Variants in CALD1 observed in about 807,000 individuals in gnomAD.
CALD1 encodes the protein caldesmon 1, also known as caldesmon.
CALD1 carries 33 observed loss-of-function variants against 99.9 expected under a neutral mutation model. That is an observed-to-expected ratio of 0.33 (90% confidence interval 0.25 to 0.44). CALD1 has a LOEUF of 0.44. CALD1 is among the 20% of genes least tolerant of loss of function. The pLI is 1.00. For missense variants in CALD1, 861 were observed against 962.1 expected, an observed-to-expected ratio of 0.89 and a Z score of 1.39; for synonymous variants, 310 against 325.0, an observed-to-expected ratio of 0.95 and a Z score of 0.50.
At chr7:134,856,570 G>A (rs578141752) in intron 2 of CALD1, among the ~76,000 whole-genome samples, 45 of 152,304 alleles carry the variant, frequency 3.0e-4, no homozygotes, top group African/African-American at 9.1e-4. Flanking sequence ...TCCAAAGGCT[G>A]CGGAAATTTG....
At chr7:134,953,206 C>T (rs188702262) in intron 9 of CALD1, among the ~76,000 whole-genome samples, 81 of 152,120 alleles carry the variant, frequency 5.3e-4, no homozygotes, top group Non-Finnish European at 7.8e-4. Flanking sequence ...AGGCCAGGTG[C>T]GGTGGCTCAC....
chr7:134,928,920 G>C lies in CALD1; in HGVS notation c.218+20G>C, dbSNP rs773617060. ...GAACAGGTACTGTCCTCTTTGGGAC[G>C]GGGAGTTTCTAACTTGCGTCTTAGC... On this transcript the variant is annotated intron_variant, in intron 4 of 14. Transcript: ENST00000361675. 1 of 1,585,874 alleles carries C rather than the reference G, an allele frequency of 6.3e-7. No individual in the cohort carries two copies. Among genetic ancestry groups the C allele is most frequent in the South Asian group, 1.1e-5 (1 of 88,238 alleles).
chr7:134,887,618 ATG>A (rs1030923875), intron 3 of CALD1, among the ~76,000 whole-genome samples: 2 of 145,502 alleles, frequency 1.4e-5, no homozygotes, highest in African/African-American at 5.2e-5. Flanking sequence ...ATGCGTGTAT[ATG>A]TGTGTGCCTG....
intron 6 of CALD1, among the ~76,000 whole-genome samples, chr7:134,937,308 CCT>C (rs1449207406): frequency 1.3e-5 from 2 of 152,140 alleles, no homozygotes; most frequent in Admixed American, 1.3e-4. Flanking sequence ...TCAACAGCGT[CCT>C]CTGTGTCAAT....
Position 134,968,693 on chromosome 7 carries a change from C to A in CALD1, c.*348C>A. Reference sequence around the variant, plus strand: ...TTTAAAATTGCCTGCGGAATGTGTGCAGTATCTAGAAAAATGAACCGTAGT... The same window carrying A: ...TTTAAAATTGCCTGCGGAATGTGTGAAGTATCTAGAAAAATGAACCGTAGT... On this transcript the variant is annotated 3_prime_UTR_variant, in exon 15 of 15. Coordinates refer to ENST00000361675, the MANE Select transcript of CALD1 (RefSeq NM_033138.4). The A allele has an allele frequency of 2.2e-6, 1 of 457,588 alleles. No homozygotes were observed. The allele number at this position is 457,588 out of a possible 1,614,324, so 28.3% of individuals were successfully genotyped here.
At chr7:134,948,434 C>T (rs976393086) in intron 8 of CALD1, among the ~76,000 whole-genome samples, 8 of 152,014 alleles carry the variant, frequency 5.3e-5, no homozygotes, top group African/African-American at 1.9e-4. Flanking sequence ...TTTGGCTCAG[C>T]ATATGAAATA....
intron 1 of CALD1, among the ~76,000 whole-genome samples, chr7:134,761,684 G>C (rs1361637293): frequency 6.6e-6 from 1 of 152,148 alleles, no homozygotes; most frequent in Non-Finnish European, 1.5e-5. Context: ...TTCTGTGTTA[G>C]AACTCTTCCT....
chr7:134,898,050 G>A (rs963051138), intron 3 of CALD1, among the ~76,000 whole-genome samples: 38 of 151,978 alleles, frequency 2.5e-4, no homozygotes, highest in African/African-American at 8.2e-4. Flanking sequence ...TCATCCTCCC[G>A]AGAAGCTGGG....
chr7:134,947,405 G>T, intron 7 of CALD1, 103 bp from the exon 8 acceptor site: 1 of 1,190,224 alleles, frequency 8.4e-7, no homozygotes, highest in Non-Finnish European at 1.2e-6. Context: ...GAGGCAGTGG[G>T]TATTTAGTCG....
chr7:134,857,623 T>C (rs980716392), intron 2 of CALD1, among the ~76,000 whole-genome samples: 2 of 152,108 alleles, frequency 1.3e-5, no homozygotes, highest in African/African-American at 4.8e-5. Context: ...CTAAGTACTT[T>C]TCAACTTATT....
At chr7:134,720,371 A>C in the CALD1 span, among the ~76,000 whole-genome samples, 1 of 152,090 alleles carries the variant, frequency 6.6e-6, no homozygotes, top group Admixed American at 6.6e-5. Context: ...CTTCCTTCCT[A>C]ATAAGATCGC....
At chr7:134,826,458 G>A (rs997268397) in intron 1 of CALD1, among the ~76,000 whole-genome samples, 9 of 152,154 alleles carry the variant, frequency 5.9e-5, no homozygotes, top group South Asian at 4.2e-4. Flanking sequence ...AACACACACC[G>A]GAGCTTTTCT....
At chr7:134,903,718 A>G (rs1803163468) in intron 3 of CALD1, among the ~76,000 whole-genome samples, 1 of 152,104 alleles carries the variant, frequency 6.6e-6, no homozygotes, top group South Asian at 2.1e-4. Context: ...TGATAAGGAC[A>G]TCAGTCATAT....
chr7:134,768,704 C>G (rs796413291), intron 1 of CALD1, among the ~76,000 whole-genome samples: 6 of 152,190 alleles, frequency 3.9e-5, no homozygotes, highest in African/African-American at 1.4e-4. Context: ...CAACAAAAAG[C>G]TTAAGAATAA....
intron 1 of CALD1, among the ~76,000 whole-genome samples, chr7:134,781,552 G>A (rs745311906): frequency 6.6e-6 from 1 of 152,148 alleles, no homozygotes; most frequent in African/African-American, 2.4e-5. Context: ...CTTCCTTCCT[G>A]TTGAATGTTA....
At chr7:134,844,428 ACTT>A (rs887684073) in intron 2 of CALD1, 1 of 152,110 alleles carries the variant, frequency 6.6e-6, no homozygotes, top group African/African-American at 2.4e-5. Flanking sequence ...TGGGAGGAAA[ACTT>A]CTACCAGAAC....
intron 1 of CALD1, among the ~76,000 whole-genome samples, chr7:134,829,695 G>C (rs1455555614): frequency 1.3e-5 from 2 of 152,174 alleles, no homozygotes; most frequent in Admixed American, 6.5e-5. Context: ...GCACTATGAA[G>C]CTACTGAAAT....
chr7:134,964,866 C>T (rs6974970), intron 13 of CALD1, among the ~76,000 whole-genome samples: 2 of 152,112 alleles, frequency 1.3e-5, no homozygotes, highest in Non-Finnish European at 2.9e-5. Flanking sequence ...GCAAGGACCC[C>T]GAGGCTATAG....
intron 1 of CALD1, among the ~76,000 whole-genome samples, chr7:134,764,396 T>C (rs1438340738): frequency 6.6e-6 from 1 of 152,126 alleles, no homozygotes; most frequent in East Asian, 1.9e-4. Context: ...GAAATATAGG[T>C]AGGGATGATA....
Sources: gnomAD v4.1 joint callset for allele counts (sites outside exome capture counted in the v4.1 genomes callset) on GRCh38, gnomAD v4.1.1 for gene constraint, MANE v1.5 for transcripts, NCBI Gene and HGNC (gene_info 2026-07-23, HGNC 2026-07-21) for gene names.